Variants in FOXP1 observed in about 807,000 individuals in gnomAD.
The protein encoded by FOXP1 is forkhead box P1, also known as forkhead box protein P1.
Under a neutral mutation model 98.2 loss-of-function variants are expected in FOXP1, and 15 were observed. That is an observed-to-expected ratio of 0.15 (90% CI 0.10 to 0.24). FOXP1 has a LOEUF of 0.24. FOXP1 is among the 10% of genes least tolerant of loss of function. The pLI is 1.00. For synonymous variants in FOXP1, 371 were observed against 314.5 expected (o/e 1.18, Z -1.90); for missense variants, 633 against 848.5 (o/e 0.75, Z 3.15).
chr3:71,375,120 G>GA lies in FOXP1; in HGVS notation c.-167-15877dup, dbSNP rs527252509. Among the ~76,000 whole-genome samples, 153 of 152,242 alleles carry GA rather than the reference G, an allele frequency of 1.0e-3. 1 individual carries two copies. The highest frequency in any genetic ancestry group is 1.9e-3 in the Non-Finnish European group (130 of 67,982). ...CAGAACTGCTGTAAGACTAAGGAGA[G>GA]AAAAAAATCTGTTACCAGTTCAGTA... On this transcript the variant is annotated intron_variant, in intron 3 of 20. Transcript: ENST00000649528.
At chr3:71,109,835 C>T (rs1473075212) in intron 7 of FOXP1, among the ~76,000 whole-genome samples, 1 of 152,016 alleles carries the variant, frequency 6.6e-6, no homozygotes, top group Non-Finnish European at 1.5e-5. Flanking sequence ...CTTCAGCAAT[C>T]GTCTGTGATA....
At chr3:71,419,901 G>A (rs932411061) in intron 3 of FOXP1, among the ~76,000 whole-genome samples, 8 of 151,666 alleles carry the variant, frequency 5.3e-5, no homozygotes, top group African/African-American at 9.7e-5. Flanking sequence ...TGCAACCTCC[G>A]CCTCCCAGGT....
intron 4 of FOXP1, chr3:71,335,151 G>A (rs1251016124): frequency 6.6e-6 from 1 of 152,084 alleles, no homozygotes; most frequent in African/African-American, 2.4e-5. Context: ...CAGGCATGGT[G>A]GCACATACCT....
At chr3:71,064,098 C>T (rs1236697698) in intron 7 of FOXP1, among the ~76,000 whole-genome samples, 1 of 152,196 alleles carries the variant, frequency 6.6e-6, no homozygotes, top group Non-Finnish European at 1.5e-5. Context: ...ACTTAATTAA[C>T]CAGCCAAGTA....
At chr3:71,432,140 A>C (rs774206421) in intron 3 of FOXP1, among the ~76,000 whole-genome samples, 1 of 152,208 alleles carries the variant, frequency 6.6e-6, no homozygotes, top group African/African-American at 2.4e-5. Context: ...GTCCTCAAGA[A>C]CTTCCATTCC....
chr3:71,115,862 G>A (rs1044192910), intron 6 of FOXP1, among the ~76,000 whole-genome samples: 6 of 149,892 alleles, frequency 4.0e-5, no homozygotes, highest in South Asian at 2.1e-4. Flanking sequence ...CAAGCCTCCC[G>A]AGTAGCTGGG....
chr3:71,551,024 C>T (rs1225865671), intron 2 of FOXP1, among the ~76,000 whole-genome samples: 1 of 152,132 alleles, frequency 6.6e-6, no homozygotes, highest in Non-Finnish European at 1.5e-5. Context: ...TTCATGCTCA[C>T]TTCAATAATA....
In FOXP1 at chr3:71,125,888, C is replaced by T. The variant is rs117911355; in HGVS notation, c.181-13251G>A. On this transcript the variant is annotated intron_variant, in intron 6 of 20. Transcript: ENST00000649528. ...GGATTTGAAGCCCAATTCTACCATT[C>T]GCTAGCTGTGTGACCTGAGACAAGT... is the stretch of plus-strand genomic sequence containing the variant. Among the ~76,000 whole-genome samples, 221 of 152,306 alleles carry T rather than the reference C, an allele frequency of 1.5e-3. 2 individuals are homozygous for T. The highest frequency in any genetic ancestry group is 0.01 in the East Asian group (54 of 5,174).
chr3:71,329,881 G>C (rs116639225), intron 4 of FOXP1: 2 of 152,060 alleles, frequency 1.3e-5, no homozygotes, highest in Non-Finnish European at 2.9e-5. Flanking sequence ...ATTAACATGC[G>C]AGTGTTCATT....
chr3:70,958,587 C>T lies in FOXP1; in HGVS notation c.*660G>A, dbSNP rs1020155337. The T allele has an allele frequency of 4.6e-6, 1 of 216,232 alleles. No individual in the cohort carries two copies. Among genetic ancestry groups the T allele is most frequent in the Non-Finnish European group, 8.8e-6 (1 of 113,190 alleles). 13.4% of individuals were successfully genotyped at this position (216,232 alleles called of 1,614,324 possible). On this transcript the variant is annotated 3_prime_UTR_variant, in exon 21 of 21. Transcript: ENST00000649528. ...TTAAGCCTCCAAGAGGCCATCGGCC[C>T]AAATGGAGGCCTGAGGTCAGAACTT... is the stretch of plus-strand genomic sequence containing the variant.
chr3:71,495,256 C>T (rs2091325787), intron 2 of FOXP1, among the ~76,000 whole-genome samples: 1 of 152,220 alleles, frequency 6.6e-6, no homozygotes, highest in African/African-American at 2.4e-5. Context: ...ACAAAGGCCA[C>T]TTCAAAAAGC....
At chr3:70,984,094 T>G (rs1199033180) in intron 14 of FOXP1, among the ~76,000 whole-genome samples, 1 of 152,260 alleles carries the variant, frequency 6.6e-6, no homozygotes, top group Non-Finnish European at 1.5e-5. Flanking sequence ...ACAAGAAATG[T>G]GGCCATTCTA....
chr3:71,052,524 G>A lies in FOXP1; in HGVS notation c.510+13C>T. On this transcript the variant is annotated intron_variant, in intron 9 of 20. Coordinates refer to ENST00000649528, the MANE Select transcript of FOXP1 (RefSeq NM_001349338.3). Reference sequence around the variant, plus strand: ...GATCTGTGGTTTGAAAGTAAAATATGTATTGTCGGTACCTCTTTAGGCTGT... The same window carrying A: ...GATCTGTGGTTTGAAAGTAAAATATATATTGTCGGTACCTCTTTAGGCTGT... 9.6e-7 allele frequency: 1 copy of A among 1,039,472 alleles called. No individual in the cohort carries two copies. The highest frequency in any genetic ancestry group is 1.5e-6 in the Non-Finnish European group (1 of 654,180). 64.4% of individuals were successfully genotyped at this position (1,039,472 alleles called of 1,614,324 possible).
At chr3:71,417,622 C>A (rs193005529) in intron 3 of FOXP1, among the ~76,000 whole-genome samples, 17 of 151,892 alleles carry the variant, frequency 1.1e-4, no homozygotes, top group Admixed American at 9.8e-4. Flanking sequence ...TTTTAGGAGA[C>A]AAAAATTGAC....
chr3:71,401,592 C>T (rs1379320676), intron 3 of FOXP1, among the ~76,000 whole-genome samples: 1 of 152,140 alleles, frequency 6.6e-6, no homozygotes, highest in African/African-American at 2.4e-5. Flanking sequence ...TCCAACATTC[C>T]TCTCTGGGTT....
At chr3:71,051,606 T>C (rs918411337) in intron 9 of FOXP1, among the ~76,000 whole-genome samples, 2 of 152,214 alleles carry the variant, frequency 1.3e-5, no homozygotes, top group African/African-American at 2.4e-5. Context: ...AGGTGCTGTA[T>C]ATAGAATTAT....
At chr3:71,085,688 T>C (rs72947441) in intron 7 of FOXP1, among the ~76,000 whole-genome samples, 4,558 of 151,052 alleles carry the variant, frequency 0.03, 253 homozygotes, top group African/African-American at 0.11. Flanking sequence ...GGGTGCTTTA[T>C]GTCCAAGTTT....
chr3:71,223,514 T>C (rs1421877458), intron 5 of FOXP1, among the ~76,000 whole-genome samples: 2 of 151,872 alleles, frequency 1.3e-5, no homozygotes, highest in Non-Finnish European at 2.9e-5. Flanking sequence ...GCTAATATGA[T>C]GAAACCCAGT....
At chr3:71,053,194 C>T (rs2050145766) in intron 8 of FOXP1, among the ~76,000 whole-genome samples, 1 of 152,062 alleles carries the variant, frequency 6.6e-6, no homozygotes, top group African/African-American at 2.4e-5. Flanking sequence ...CAACTCTGGA[C>T]CTTAAAATTA....
Sources: allele counts gnomAD v4.1 joint callset (sites outside exome capture counted in the v4.1 genomes callset), GRCh38; gene constraint gnomAD v4.1.1; transcripts MANE v1.5; gene names NCBI Gene and HGNC (gene_info 2026-07-23, HGNC 2026-07-21).